Variants in NTM observed in about 807,000 individuals in gnomAD.
NTM encodes the protein neurotrimin.
In NTM, 13 loss-of-function variants were observed where a neutral mutation model predicts 42.1. The ratio of observed to expected loss-of-function variants is 0.31; its 90% CI spans 0.20 to 0.49. NTM has a LOEUF of 0.49. NTM is among the 20% of genes least tolerant of loss of function. NTM has a pLI of 0.99. For missense variants in NTM, 373 were observed against 452.8 expected, an observed-to-expected ratio of 0.82 and a Z score of 1.60; for synonymous variants, 187 against 179.2, an observed-to-expected ratio of 1.04 and a Z score of -0.35.
chr11:131,943,187 A>G (rs1426179296), intron 2 of NTM, among the ~76,000 whole-genome samples: 1 of 152,148 alleles, frequency 6.6e-6, no homozygotes, highest in East Asian at 1.9e-4. Context: ...TTGGTTTCTC[A>G]GTCTCCAGTC....
intron 2 of NTM, among the ~76,000 whole-genome samples, chr11:132,070,990 A>G (rs1233585544): frequency 3.9e-4 from 55 of 140,060 alleles, no homozygotes; most frequent in Non-Finnish European, 6.0e-4. Context: ...CACACAGCCA[A>G]GTTAACACGT....
intron 1 of NTM, among the ~76,000 whole-genome samples, chr11:131,575,844 C>T (rs1164568111): frequency 2.6e-5 from 4 of 152,216 alleles, no homozygotes; most frequent in African/African-American, 9.6e-5. Context: ...CTGGAAGCTC[C>T]TGCTCTCTCC....
At chr11:131,873,540 ATATATATACATATATATATACCG>A (rs2048028604) in intron 1 of NTM, among the ~76,000 whole-genome samples, 1 of 47,536 alleles carries the variant, frequency 2.1e-5, no homozygotes, top group South Asian at 4.7e-4. Context: ...GTGTGTGTGT[ATATATATACATATATATATACCG>A]TATATATATA....
At chr11:131,830,006 C>A (rs1428143263) in intron 1 of NTM, among the ~76,000 whole-genome samples, 2 of 152,130 alleles carry the variant, frequency 1.3e-5, no homozygotes, top group Non-Finnish European at 2.9e-5. Flanking sequence ...GTGTTCACAG[C>A]TTTTGCCCAT....
chr11:131,378,386 G>A (rs1942238872), intron 1 of NTM, among the ~76,000 whole-genome samples: 1 of 152,192 alleles, frequency 6.6e-6, no homozygotes, highest in Non-Finnish European at 1.5e-5. Context: ...TTGATAGGTA[G>A]TGGTTCTAAA....
intron 1 of NTM, among the ~76,000 whole-genome samples, chr11:131,594,100 T>C (rs1386490120): frequency 1.3e-5 from 2 of 152,226 alleles, no homozygotes; most frequent in African/African-American, 4.8e-5. Context: ...ATGGTTGTTC[T>C]AGACAAAGTT....
rs1033071786 is a variant in NTM at position 131,866,626 on chromosome 11, C to T, written c.83-44938C>T. 5.9e-5 allele frequency among the ~76,000 whole-genome samples: 9 copies of T among 152,356 alleles called. No individual in the cohort carries two copies. The South Asian group carries it at 1.2e-3, about 21-fold the overall frequency. The stretch of plus-strand genomic sequence containing the variant: ...AAAAATACCTGCGCCCTCCATGGCG[C>T]CCAAGACTGCTGACAAAGGAATTTG... On this transcript the variant is annotated intron_variant, in intron 1 of 8. Transcript: ENST00000683400.
intron 8 of NTM, chr11:132,332,616 G>A (rs1313402415): frequency 6.6e-6 from 1 of 152,306 alleles, no homozygotes; most frequent in Non-Finnish European, 1.5e-5. Flanking sequence ...GCGTAGCAAG[G>A]AGACCAAACA....
chr11:131,657,784 T>C, intron 1 of NTM, among the ~76,000 whole-genome samples: 1 of 152,220 alleles, frequency 6.6e-6, no homozygotes, highest in Non-Finnish European at 1.5e-5. Context: ...CGAGCTTTCT[T>C]ACAACTCATT....
intron 1 of NTM, among the ~76,000 whole-genome samples, chr11:131,444,921 T>A (rs976768587): frequency 1.3e-5 from 2 of 152,136 alleles, no homozygotes; most frequent in Admixed American, 6.5e-5. Context: ...TCTCATAAAA[T>A]CAGGAAAGGG....
intron 2 of NTM, among the ~76,000 whole-genome samples, chr11:131,982,784 T>G (rs372384542): frequency 5.9e-5 from 9 of 152,228 alleles, no homozygotes; most frequent in African/African-American, 2.2e-4. Context: ...AAACCTTTCC[T>G]TGTTAGTAAC....
chr11:131,645,319 C>A (rs1392114312), intron 1 of NTM, among the ~76,000 whole-genome samples: 1 of 152,144 alleles, frequency 6.6e-6, no homozygotes, highest in African/African-American at 2.4e-5. Context: ...CTCCTTTCTC[C>A]TCGCCGTGCG....
chr11:131,923,420 G>A (rs555692823), intron 2 of NTM, among the ~76,000 whole-genome samples: 4 of 152,334 alleles, frequency 2.6e-5, no homozygotes, highest in Admixed American at 2.6e-4. Context: ...ACTCAGGTCT[G>A]TCTCTGTATT....
chr11:131,395,072 G>A (rs2135624594), intron 1 of NTM, among the ~76,000 whole-genome samples: 1 of 152,258 alleles, frequency 6.6e-6, no homozygotes, highest in South Asian at 2.1e-4. Flanking sequence ...ACTTGGCCAA[G>A]GTGGCAGTGG....
At chr11:131,672,485 G>C (rs1162609285) in intron 1 of NTM, among the ~76,000 whole-genome samples, 1 of 152,228 alleles carries the variant, frequency 6.6e-6, no homozygotes, top group Non-Finnish European at 1.5e-5. Flanking sequence ...GACAGCTGGA[G>C]TGCCTCACCC....
chr11:131,648,517 G>C (rs1370036696), intron 1 of NTM, among the ~76,000 whole-genome samples: 1 of 151,968 alleles, frequency 6.6e-6, no homozygotes, highest in African/African-American at 2.4e-5. Flanking sequence ...TTTATTTTTT[G>C]AATTTTAATA....
intron 1 of NTM, among the ~76,000 whole-genome samples, chr11:131,714,925 A>T (rs1348814279): frequency 6.6e-6 from 1 of 152,216 alleles, no homozygotes; most frequent in Non-Finnish European, 1.5e-5. Flanking sequence ...GCTCACTGAC[A>T]TTTATTGAAA....
chr11:131,672,857 G>A (rs1399526443), intron 1 of NTM, among the ~76,000 whole-genome samples: 3 of 123,952 alleles, frequency 2.4e-5, no homozygotes, highest in Admixed American at 8.5e-5. Flanking sequence ...TGGGGGTGGG[G>A]TGTGACCGTG....
chr11:131,929,877 C>A (rs1204244167), intron 2 of NTM, among the ~76,000 whole-genome samples: 1 of 152,216 alleles, frequency 6.6e-6, no homozygotes, highest in Non-Finnish European at 1.5e-5. Flanking sequence ...CCTGCGATGG[C>A]TGAAATCCGT....
Sources: gnomAD v4.1 joint callset for allele counts (sites outside exome capture counted in the v4.1 genomes callset) on GRCh38, gnomAD v4.1.1 for gene constraint, MANE v1.5 for transcripts, NCBI Gene and HGNC (gene_info 2026-07-23, HGNC 2026-07-21) for gene names.